DENND10: variants seen among roughly 807,000 people sequenced by gnomAD.
DENND10 encodes DENN domain containing 10.
A neutral mutation model predicts 43.6 loss-of-function variants in DENND10; 24 were observed. The ratio of observed to expected loss-of-function variants is 0.55; its 90% CI spans 0.40 to 0.77. The LOEUF (loss-of-function observed/expected upper bound fraction) is 0.77. Among genes scored for constraint, DENND10 ranks in the 30% least tolerant of loss-of-function variants. DENND10 has a pLI of 0.00. For synonymous variants in DENND10, 125 were observed against 157.6 expected, an observed-to-expected ratio of 0.79 and a Z score of 1.55; for missense variants, 303 against 429.9, an observed-to-expected ratio of 0.70 and a Z score of 2.61.
At chr10:119,116,951 A>G (rs1845314467) in intron 3 of DENND10, among the ~76,000 whole-genome samples, 1 of 151,680 alleles carries the variant, frequency 6.6e-6, no homozygotes, top group African/African-American at 2.4e-5. Context: ...AAGTGCTAGG[A>G]TTACAGGCAT....
At position 119,131,888 on chromosome 10, in the gene DENND10, G is replaced by C. The variant is rs137936688; in HGVS notation, c.803-627G>C. 3.3e-4 allele frequency among the ~76,000 whole-genome samples: 50 copies of C among 152,344 alleles called. No individual in the cohort carries two copies. In the East Asian group the frequency reaches 6.9e-3, roughly 21 times the overall value. On this transcript the variant is annotated intron_variant, in intron 7 of 8. Coordinates refer to ENST00000361432, the MANE Select transcript of DENND10 (RefSeq NM_207009.4). ...GACCAGAAAGGGTGGCCATCTTCCT[G>C]CTGCCCTGTGTTGCTCTGTGTCTAT...
intron 3 of DENND10, among the ~76,000 whole-genome samples, chr10:119,116,207 A>G (rs1424895701): frequency 6.6e-6 from 1 of 152,228 alleles, no homozygotes; most frequent in African/African-American, 2.4e-5. Context: ...CAAGGGGAAG[A>G]GACGGATTCC....
intron 4 of DENND10, among the ~76,000 whole-genome samples, chr10:119,118,590 T>C (rs1004174354): frequency 2.6e-5 from 4 of 152,170 alleles, no homozygotes; most frequent in Admixed American, 2.6e-4. Context: ...TTTCTCAGCA[T>C]CCCTGTTGAG....
At chr10:119,120,320 T>C (rs1314495945) in intron 4 of DENND10, 21 bp from the exon 5 acceptor site, 1 of 1,448,944 alleles carries the variant, frequency 6.9e-7, no homozygotes, top group Non-Finnish European at 9.7e-7. Context: ...GCAGTAACAT[T>C]ACAATTTCTC....
Position 119,132,601 on chromosome 10 carries a change from G to A in DENND10, c.889G>A (p.Val297Ile), listed in dbSNP as rs371835462. ...AGATCCAGAGAAATCAGAGAGCCAC[G>A]TTATACAGGTAACTCCCTCACCTTC... The part of the protein sequence containing the change: ...AEDPEKSESH[V>I]IQDIALKTRE... The change falls in exon 8 of 9, where the codon GTT (valine) becomes ATT (isoleucine). Residue 297 changes from valine to isoleucine, a missense_variant. Val to Ile is a conservative substitution (Grantham distance 29). Coordinates refer to ENST00000361432, the MANE Select transcript of DENND10 (RefSeq NM_207009.4). The surrounding 1 kb of genome is among the most constrained non-coding windows in gnomAD (Gnocchi z 4.2). 79 of 1,613,190 alleles carry A rather than the reference G, an allele frequency of 4.9e-5. No homozygotes were observed. Among genetic ancestry groups the A allele is most frequent in the African/African-American group, 1.7e-4 (13 of 75,030 alleles).
chr10:119,120,234 T>A, intron 4 of DENND10, 107 bp from the exon 5 acceptor site: 1 of 634,758 alleles, frequency 1.6e-6, no homozygotes, highest in Non-Finnish European at 2.7e-6. Context: ...GGTGACAGAG[T>A]GAGACTCGGT....
At position 119,120,404 on chromosome 10, in the gene DENND10, G is replaced by A. The variant is rs1845513027; in HGVS notation, c.545G>A (p.Arg182Lys). ...ILHTALMLKK[R>K]IVVYHPKIEA... ...CACACAGCACTGATGCTAAAGAAAA[G>A]AATTGTGGTGTATCACCCCAAGATA... Residue 182 changes from arginine (R) to lysine (K), a missense_variant, in exon 5 of 9, where the codon AGA becomes AAA. Arg to Lys is a conservative substitution (Grantham distance 26). Transcript: ENST00000361432. 1 of 1,613,184 alleles carries A rather than the reference G, an allele frequency of 6.2e-7. No homozygotes were observed. Among genetic ancestry groups the A allele is most frequent in the African/African-American group, 1.3e-5 (1 of 74,896 alleles).
chr10:119,131,327 A>G (rs1353860580), intron 7 of DENND10, among the ~76,000 whole-genome samples: 4 of 152,136 alleles, frequency 2.6e-5, no homozygotes, highest in South Asian at 2.1e-4. Flanking sequence ...GCGTGGTGGC[A>G]GGCGCCTCTA....
intron 3 of DENND10, among the ~76,000 whole-genome samples, chr10:119,116,985 T>G (rs961095079): frequency 2.0e-5 from 3 of 152,094 alleles, no homozygotes; most frequent in Non-Finnish European, 4.4e-5. Flanking sequence ...CGGCTGCTTT[T>G]TCTTTGAAAT....
intron 8 of DENND10, among the ~76,000 whole-genome samples, chr10:119,134,294 C>T (rs1158365255): frequency 6.7e-6 from 1 of 150,038 alleles, no homozygotes; most frequent in Non-Finnish European, 1.5e-5. Context: ...CTACCTCAGC[C>T]TCCCAGAGTG....
chr10:119,129,427 C>T (rs2133523809), intron 6 of DENND10, 88 bp from the exon 7 acceptor site: 2 of 775,984 alleles, frequency 2.6e-6, no homozygotes, highest in Non-Finnish European at 4.5e-6. Context: ...TGAAAGAGAG[C>T]AGTCGATGAG....
intron 6 of DENND10, among the ~76,000 whole-genome samples, chr10:119,125,248 A>C (rs1463530914): frequency 6.6e-6 from 1 of 152,058 alleles, no homozygotes; most frequent in African/African-American, 2.4e-5. Context: ...CCTGGATTGC[A>C]GGCATGAGCC....
At chr10:119,108,507 A>C (rs1844814366) in intron 2 of DENND10, among the ~76,000 whole-genome samples, 1 of 149,768 alleles carries the variant, frequency 6.7e-6, no homozygotes, top group Non-Finnish European at 1.5e-5. Context: ...AAGAAAAGAA[A>C]ATATTAAATA....
chr10:119,131,413 G>A (rs940819023), intron 7 of DENND10, among the ~76,000 whole-genome samples: 1 of 152,116 alleles, frequency 6.6e-6, no homozygotes, highest in Non-Finnish European at 1.5e-5. Context: ...AGCCGAGATC[G>A]CGCCACTGCA....
At chr10:119,109,451 T>C (rs1275736029) in intron 2 of DENND10, among the ~76,000 whole-genome samples, 1 of 152,114 alleles carries the variant, frequency 6.6e-6, no homozygotes, top group Non-Finnish European at 1.5e-5. Flanking sequence ...TTTTTTCCCG[T>C]TTTAGGGCTA....
At chr10:119,114,772 T>C (rs942659361) in intron 3 of DENND10, among the ~76,000 whole-genome samples, 1 of 115,156 alleles carries the variant, frequency 8.7e-6, no homozygotes, top group Non-Finnish European at 1.9e-5. Context: ...TTCTATTTTA[T>C]AATTTTTTTT....
intron 2 of DENND10, among the ~76,000 whole-genome samples, chr10:119,111,635 T>C (rs1327166942): frequency 3.3e-5 from 5 of 152,152 alleles, no homozygotes; most frequent in Non-Finnish European, 7.3e-5. Flanking sequence ...TTTCTCTAAA[T>C]ATTGCATTCT....
chr10:119,130,467 T>C (rs1215253003), intron 7 of DENND10, among the ~76,000 whole-genome samples: 1 of 152,142 alleles, frequency 6.6e-6, no homozygotes, highest in Non-Finnish European at 1.5e-5. Flanking sequence ...TGGCCTAATT[T>C]TTGTATTTTT....
intron 1 of DENND10, chr10:119,105,612 C>A: frequency 1.8e-6 from 1 of 564,008 alleles, no homozygotes; most frequent in Non-Finnish European, 2.4e-6. Context: ...CTGTCTTTAT[C>A]TACTAATAGC....
Sources: gnomAD v4.1 joint callset for allele counts (sites outside exome capture counted in the v4.1 genomes callset) on GRCh38, gnomAD v4.1.1 for gene constraint, Gnocchi (gnomAD v3.1) non-coding constraint, MANE v1.5 for transcripts, NCBI Gene and HGNC (gene_info 2026-07-23, HGNC 2026-07-21) for gene names.